ROBO1: variants seen among roughly 807,000 people sequenced by gnomAD.
The protein encoded by ROBO1 is roundabout homolog 1.
A neutral mutation model predicts 195.9 loss-of-function variants in ROBO1; 149 were observed. The ratio of observed to expected loss-of-function variants is 0.76; its 90% CI spans 0.67 to 0.87. The LOEUF (loss-of-function observed/expected upper bound fraction) is 0.87, where lower values mean the gene tolerates loss of function less well. Ranked by LOEUF, ROBO1 falls within the 40% of genes least tolerant of loss-of-function variation. The probability of loss-of-function intolerance (pLI) is 0.00; values close to 1 mark genes in which losing one functional copy is unlikely to be tolerated. For missense variants in ROBO1, 1,933 were observed against 2,068.3 expected, an observed-to-expected ratio of 0.93 and a Z score of 1.27; for synonymous variants, 816 against 733.2, an observed-to-expected ratio of 1.11 and a Z score of -1.82.
chr3:79,468,389 G>A (rs1437788187), intron 2 of ROBO1, among the ~76,000 whole-genome samples: 1 of 152,116 alleles, frequency 6.6e-6, no homozygotes, highest in Non-Finnish European at 1.5e-5. Context: ...AAGTTAAGTG[G>A]CTTTTTCAAG....
At chr3:78,684,875 T>A (rs185073144) in intron 10 of ROBO1, among the ~76,000 whole-genome samples, 1,708 of 152,232 alleles carry the variant, frequency 0.011, 14 homozygotes, top group Non-Finnish European at 0.017. Flanking sequence ...TTCTCTTCTT[T>A]TATTCGTGTT....
intron 2 of ROBO1, among the ~76,000 whole-genome samples, chr3:79,341,601 C>G (rs1159265215): frequency 6.6e-6 from 1 of 152,012 alleles, no homozygotes; most frequent in Non-Finnish European, 1.5e-5. Context: ...AAGTTAGCCT[C>G]CCAGTTAGCT....
chr3:79,745,366 T>A (rs1703830090), intron 1 of ROBO1, among the ~76,000 whole-genome samples: 3 of 152,218 alleles, frequency 2.0e-5, no homozygotes, highest in Admixed American at 6.5e-5. Context: ...AAAAATAGAA[T>A]CTGGTTCTTG....
At chr3:79,011,620 A>G (rs2077778827) in intron 3 of ROBO1, among the ~76,000 whole-genome samples, 1 of 151,088 alleles carries the variant, frequency 6.6e-6, no homozygotes, top group African/African-American at 2.4e-5. Flanking sequence ...GAATGAACTT[A>G]GCAAGTTGGT....
At chr3:79,713,633 G>T (rs530763904) in intron 1 of ROBO1, among the ~76,000 whole-genome samples, 2 of 151,388 alleles carry the variant, frequency 1.3e-5, no homozygotes, top group South Asian at 2.1e-4. Context: ...TTTTGTTGCC[G>T]TTGCTTTTGG....
chr3:79,634,127 C>G (rs886318503), intron 1 of ROBO1, among the ~76,000 whole-genome samples: 2 of 152,160 alleles, frequency 1.3e-5, no homozygotes, highest in African/African-American at 4.8e-5. Flanking sequence ...TGTGAACAGT[C>G]TGATTATTTC....
At chr3:78,687,807 G>T (rs2081084628) in intron 9 of ROBO1, among the ~76,000 whole-genome samples, 2 of 151,960 alleles carry the variant, frequency 1.3e-5, no homozygotes, top group East Asian at 3.9e-4. Context: ...TATTTTTAAT[G>T]TTTTCTAGAG....
chr3:78,722,084 C>T (rs562329047), intron 5 of ROBO1, among the ~76,000 whole-genome samples: 2 of 152,058 alleles, frequency 1.3e-5, no homozygotes, highest in Admixed American at 6.6e-5. Flanking sequence ...TACTATAGCT[C>T]CAATTATATA....
intron 4 of ROBO1, among the ~76,000 whole-genome samples, chr3:78,869,537 A>G (rs944592646): frequency 1.3e-5 from 2 of 152,238 alleles, no homozygotes; most frequent in Middle Eastern, 6.8e-3. Flanking sequence ...GGCTCACTGC[A>G]GCCCCAACCT....
intron 1 of ROBO1, among the ~76,000 whole-genome samples, chr3:79,717,797 AT>A (rs1702549359): frequency 6.6e-6 from 1 of 152,024 alleles, no homozygotes; most frequent in African/African-American, 2.4e-5. Flanking sequence ...ACACTAGATT[AT>A]GTGTTTGTGT....
intron 5 of ROBO1, among the ~76,000 whole-genome samples, chr3:78,732,238 T>C (rs2108195806): frequency 6.6e-6 from 1 of 152,190 alleles, no homozygotes; most frequent in East Asian, 1.9e-4. Flanking sequence ...ACAATATTTT[T>C]AAAACGTATA....
rs114240526 is a variant in ROBO1, at chr3:79,446,653, A to G, written c.88+143171T>C. Among the ~76,000 whole-genome samples, 696 of 152,300 alleles carry G rather than the reference A, an allele frequency of 4.6e-3. 2 individuals are homozygous for G. The highest frequency in any genetic ancestry group is 0.014 in the African/African-American group (578 of 41,558). On this transcript the variant is annotated intron_variant, in intron 2 of 30. Transcript: ENST00000464233. Reference sequence around the variant, plus strand: ...TGTGCATGCTAATGATATTATTACAATATACCTCAGTGCACTTTTAAAAGA... The same window carrying G: ...TGTGCATGCTAATGATATTATTACAGTATACCTCAGTGCACTTTTAAAAGA...
At chr3:78,701,281 G>A (rs983856621) in intron 8 of ROBO1, among the ~76,000 whole-genome samples, 1 of 152,172 alleles carries the variant, frequency 6.6e-6, no homozygotes, top group Admixed American at 6.5e-5. Context: ...TACTCTGCTT[G>A]TATATGAGCA....
At chr3:79,560,554 T>C (rs547692124) in intron 2 of ROBO1, among the ~76,000 whole-genome samples, 1 of 124,232 alleles carries the variant, frequency 8.0e-6, no homozygotes, top group Non-Finnish European at 1.7e-5. Context: ...TATATATATA[T>C]ATATACACAT....
intron 2 of ROBO1, among the ~76,000 whole-genome samples, chr3:79,485,004 G>A (rs1315505562): frequency 1.3e-5 from 2 of 151,620 alleles, no homozygotes; most frequent in Non-Finnish European, 2.9e-5. Flanking sequence ...TGCCTGCCTT[G>A]GCCTCCCAAA....
intron 3 of ROBO1, among the ~76,000 whole-genome samples, chr3:79,090,389 T>G (rs1232270079): frequency 6.6e-6 from 1 of 152,102 alleles, no homozygotes; most frequent in Non-Finnish European, 1.5e-5. Context: ...ATTCTTCCAT[T>G]ACTTTTGTTG....
At chr3:79,707,193 T>C (rs1314089922) in intron 1 of ROBO1, among the ~76,000 whole-genome samples, 3 of 152,148 alleles carry the variant, frequency 2.0e-5, no homozygotes, top group Non-Finnish European at 4.4e-5. Context: ...AGGTCTATAC[T>C]GATTGATTCT....
At chr3:79,172,832 C>A (rs2081191412) in intron 2 of ROBO1, among the ~76,000 whole-genome samples, 1 of 152,074 alleles carries the variant, frequency 6.6e-6, no homozygotes, top group African/African-American at 2.4e-5. Context: ...TACCTTTATA[C>A]CCTTATCTGT....
intron 5 of ROBO1, among the ~76,000 whole-genome samples, chr3:78,736,928 G>T (rs1425030235): frequency 6.6e-6 from 1 of 152,156 alleles, no homozygotes; most frequent in Non-Finnish European, 1.5e-5. Flanking sequence ...CCAGTACTTT[G>T]CATCTGAATC....
Sources: allele counts gnomAD v4.1 joint callset (sites outside exome capture counted in the v4.1 genomes callset), GRCh38; gene constraint gnomAD v4.1.1; transcripts MANE v1.5; gene names NCBI Gene and HGNC (gene_info 2026-07-23, HGNC 2026-07-21).